Variants in EVC2 observed in about 807,000 individuals in gnomAD.
EVC2 encodes EvC ciliary complex subunit 2, also known as limbin.
A neutral mutation model predicts 149.3 loss-of-function variants in EVC2; 148 were observed. The observed-to-expected ratio is 0.99, with a 90% confidence interval of 0.87 to 1.14. The LOEUF is 1.14. Ranked by LOEUF, EVC2 falls within the 50% of genes most tolerant of loss-of-function variation. The pLI is 0.00. For synonymous variants in EVC2, 776 were observed against 649.9 expected (o/e 1.19, Z -2.95); for missense variants, 1,854 against 1,627.3 (o/e 1.14, Z -2.40).
intron 5 of EVC2, among the ~76,000 whole-genome samples, chr4:5,688,421 G>C (rs1422871107): frequency 6.6e-6 from 1 of 152,012 alleles, no homozygotes; most frequent in Non-Finnish European, 1.5e-5. Context: ...CTATGACCTC[G>C]GGCAAGCTTC....
rs201225442 is a variant in EVC2, at chr4:5,569,928, G to A, written c.3361-1288C>T. On this transcript the variant is annotated intron_variant, in intron 19 of 21. Coordinates refer to ENST00000344408, the MANE Select transcript of EVC2 (RefSeq NM_147127.5). This position sits in a 1 kb window ranked among gnomAD's most constrained non-coding sequence, Gnocchi z 4.8. ...CTGAAATACTTGTTCTTCCCTGACC[G>A]TCCTGCTCGCCCAGGCCACTGAGCC... is the stretch of plus-strand genomic sequence containing the variant. Among the ~76,000 whole-genome samples the A allele has an allele frequency of 1.6e-4, 24 of 152,204 alleles. No homozygotes were observed. The highest frequency in any genetic ancestry group is 7.7e-4 in the East Asian group (4 of 5,180).
intron 1 of EVC2, among the ~76,000 whole-genome samples, chr4:5,702,444 T>C (rs898705791): frequency 9.9e-5 from 15 of 152,196 alleles, no homozygotes; most frequent in South Asian, 2.1e-4. Flanking sequence ...AGGCCCTCAA[T>C]AGACATTGCG....
chr4:5,613,657 G>A lies in EVC2; in HGVS notation c.2829+1765C>T, dbSNP rs1715023749. On this transcript the variant is annotated intron_variant, in intron 16 of 21. Coordinates refer to ENST00000344408, the MANE Select transcript of EVC2 (RefSeq NM_147127.5). The surrounding 1 kb of genome is among the most constrained non-coding windows in gnomAD (Gnocchi z 4.6). ...CCACAAGGAACCCCCTAGTGACACT[G>A]TGATTGCTTGATGGAGTTTGTTTAA... Among the ~76,000 whole-genome samples, 2 of 149,114 alleles carry A rather than the reference G, an allele frequency of 1.3e-5. No homozygotes were observed. Among genetic ancestry groups the A allele is most frequent in the South Asian group, 4.1e-4 (2 of 4,824 alleles).
intron 21 of EVC2, among the ~76,000 whole-genome samples, chr4:5,556,891 T>C (rs1203809785): frequency 6.8e-6 from 1 of 147,002 alleles, no homozygotes; most frequent in Non-Finnish European, 1.5e-5. Context: ...GTGAAGGAGA[T>C]AACCTAAATA....
At chr4:5,555,902 G>A (rs371367287) in intron 21 of EVC2, among the ~76,000 whole-genome samples, 9 of 152,200 alleles carry the variant, frequency 5.9e-5, no homozygotes, top group South Asian at 2.1e-4. Context: ...CTTAATAGCC[G>A]GGTGTGGTGG....
In EVC2 at chr4:5,618,856, C is replaced by T. The variant is rs1281747575; in HGVS notation, c.2502-174G>A. 5.3e-5 allele frequency among the ~76,000 whole-genome samples: 8 copies of T among 152,342 alleles called. No individual in the cohort carries two copies. The highest frequency in any genetic ancestry group is 2.1e-4 in the South Asian group (1 of 4,828). ...CATTCCTTGAGCACCTAATGCATGT[C>T]GTGCTGCATAGGACATTGTATTGGA... On this transcript the variant is annotated intron_variant, in intron 14 of 21. Transcript: ENST00000344408. This position sits in a 1 kb window ranked among gnomAD's most constrained non-coding sequence, Gnocchi z 4.4.
chr4:5,593,141 G>A (rs998163626), intron 16 of EVC2, among the ~76,000 whole-genome samples: 10 of 152,118 alleles, frequency 6.6e-5, no homozygotes, highest in African/African-American at 1.7e-4. Flanking sequence ...GCAGAACCGT[G>A]AATCAATTAA....
In EVC2 at chr4:5,598,935, G is replaced by C. The variant is rs576510114; in HGVS notation, c.2830-14085C>G. Among the ~76,000 whole-genome samples the C allele has an allele frequency of 6.8e-3, 1,042 of 152,276 alleles. 8 individuals are homozygous for C. Among genetic ancestry groups the C allele is most frequent in the Middle Eastern group, 0.017 (5 of 294 alleles). On this transcript the variant is annotated intron_variant, in intron 16 of 21. Transcript: ENST00000344408. ...GGACATGAACAGACATTTCTCAAAA[G>C]AAGACATTTATGCAGCCAAAAGACA...
At chr4:5,550,020 T>A (rs1180984706) in intron 21 of EVC2, among the ~76,000 whole-genome samples, 1 of 152,224 alleles carries the variant, frequency 6.6e-6, no homozygotes, top group Non-Finnish European at 1.5e-5. Context: ...GCCATGATTG[T>A]GAAGCCTCCC....
chr4:5,678,896 T>G (rs1720161088), intron 7 of EVC2, among the ~76,000 whole-genome samples: 2 of 151,810 alleles, frequency 1.3e-5, no homozygotes, highest in African/African-American at 4.8e-5. Flanking sequence ...CTGGCTGTGG[T>G]GGTGGGTGCC....
Position 5,703,613 on chromosome 4 carries a change from T to G in EVC2, c.228+4673A>C, listed in dbSNP as rs1424927965. On this transcript the variant is annotated intron_variant, in intron 1 of 21. Transcript: ENST00000344408. ...TCCTGCCAACCTCAGTTACTTCACT[T>G]GCATTCATTCATTCAACAAATACTT... Among the ~76,000 whole-genome samples, 8 of 152,312 alleles carry G rather than the reference T, an allele frequency of 5.3e-5. No individual in the cohort carries two copies. In the South Asian group the frequency reaches 1.0e-3, roughly 20 times the overall value.
rs1164856697 is a variant in EVC2 at position 5,677,518 on chromosome 4, T to C, written c.870+3742A>G. 2.6e-5 allele frequency among the ~76,000 whole-genome samples: 4 copies of C among 152,198 alleles called. No homozygotes were observed. On this transcript the variant is annotated intron_variant, in intron 7 of 21. Transcript: ENST00000344408. The surrounding 1 kb of genome is among the most constrained non-coding windows in gnomAD (Gnocchi z 4.3). ...AGGTCTGCATCCCAGGGGGCAACTA[T>C]TCCTCTTTCTCCTGAAGGCAACATG...
chr4:5,605,953 C>G (rs751580248), intron 16 of EVC2, among the ~76,000 whole-genome samples: 1 of 152,192 alleles, frequency 6.6e-6, no homozygotes, highest in Non-Finnish European at 1.5e-5. Context: ...AGCCAATCCC[C>G]TTCCTGACGG....
At chr4:5,650,127 C>T (rs1033906289) in intron 9 of EVC2, among the ~76,000 whole-genome samples, 2 of 152,142 alleles carry the variant, frequency 1.3e-5, no homozygotes, top group Admixed American at 6.5e-5. Flanking sequence ...TGGGCCTTCC[C>T]TCTCCAGGCC....
At chr4:5,706,441 GATAGATAC>G (rs200427441) in intron 1 of EVC2, among the ~76,000 whole-genome samples, 7,193 of 44,490 alleles carry the variant, frequency 0.16, 1,621 homozygotes, top group East Asian at 0.38. Context: ...TAGATAGATA[GATAGATAC>G]ATACATACAT....
Position 5,576,504 on chromosome 4 carries a change from G to A in EVC2, c.3058-50C>T, listed in dbSNP as rs903957250. On this transcript the variant is annotated intron_variant, in intron 17 of 21. Transcript: ENST00000344408. This position sits in a 1 kb window ranked among gnomAD's most constrained non-coding sequence, Gnocchi z 4.5. ...AAGCACCACTGCACAAGGCGGGTGGGGTGGAGGACAAAATCTGACCTCCTG... is the reference window on the plus strand; with the variant it reads ...AAGCACCACTGCACAAGGCGGGTGGAGTGGAGGACAAAATCTGACCTCCTG... 4.5e-6 allele frequency: 7 copies of A among 1,542,286 alleles called. No homozygotes were observed. The highest frequency in any genetic ancestry group is 2.4e-5 in the East Asian group (1 of 40,988).
intron 21 of EVC2, among the ~76,000 whole-genome samples, chr4:5,549,946 C>T (rs2108758932): frequency 6.6e-6 from 1 of 152,268 alleles, no homozygotes; most frequent in Non-Finnish European, 1.5e-5. Context: ...GGGAGTTTGC[C>T]TGCACAAACT....
intron 7 of EVC2, among the ~76,000 whole-genome samples, chr4:5,678,335 T>A (rs1455804807): frequency 1.3e-5 from 2 of 152,184 alleles, no homozygotes; most frequent in Non-Finnish European, 2.9e-5. Context: ...ATACTTCACA[T>A]GTGTTAGCAC....
chr4:5,621,846 C>A (rs1293706194), intron 14 of EVC2, among the ~76,000 whole-genome samples: 1 of 152,062 alleles, frequency 6.6e-6, no homozygotes, highest in Non-Finnish European at 1.5e-5. Flanking sequence ...CCCGTCTCTA[C>A]AAAAAATAAA....
Sources: allele counts gnomAD v4.1 joint callset (sites outside exome capture counted in the v4.1 genomes callset), GRCh38; gene constraint gnomAD v4.1.1; non-coding constraint Gnocchi (gnomAD v3.1); transcripts MANE v1.5; gene names NCBI Gene and HGNC (gene_info 2026-07-23, HGNC 2026-07-21).